Variants in SRR observed in about 807,000 individuals in gnomAD.
SRR encodes the protein serine racemase, also known as D-serine ammonia-lyase.
Under a neutral mutation model 32.7 loss-of-function variants are expected in SRR, and 19 were observed. That is an observed-to-expected ratio of 0.58 (90% CI 0.40 to 0.85). The LOEUF (loss-of-function observed/expected upper bound fraction) is 0.85. Ranked by LOEUF, SRR falls within the 40% of genes least tolerant of loss-of-function variation. The probability of loss-of-function intolerance (pLI) is 0.00; values close to 1 mark genes in which losing one functional copy is unlikely to be tolerated. For synonymous variants in SRR, 142 were observed against 140.9 expected (o/e 1.01, Z -0.06); for missense variants, 373 against 404.7 (o/e 0.92, Z 0.67).
At chr17:2,317,159 C>T (rs1459642492) in intron 2 of SRR, among the ~76,000 whole-genome samples, 4 of 137,806 alleles carry the variant, frequency 2.9e-5, no homozygotes, top group Non-Finnish European at 6.1e-5. Flanking sequence ...GTTGAGATCA[C>T]GCCATTGCAC....
At chr17:2,307,804 G>A (rs2075403052) in intron 1 of SRR, 3 of 715,062 alleles carry the variant, frequency 4.2e-6, no homozygotes, top group Non-Finnish European at 7.5e-6. Context: ...ACTAAGCCAA[G>A]CACAGTGGTG....
Position 2,308,061 on chromosome 17 carries a change from C to A in SRR, c.-5+4044C>A, listed in dbSNP as rs1258806540. Among the ~76,000 whole-genome samples, 281 of 115,716 alleles carry A rather than the reference C, an allele frequency of 2.4e-3. 1 individual carries two copies. Among genetic ancestry groups the A allele is most frequent in the African/African-American group, 8.1e-3 (239 of 29,618 alleles). 75.9% of individuals were successfully genotyped at this position (115,716 alleles called of 152,430 possible). ...TAAATGTCTTTTTAAAAAAAAAAAACAACAAAAAAACCACCAATTTTAAAT... is the reference window on the plus strand; with the variant it reads ...TAAATGTCTTTTTAAAAAAAAAAAAAAACAAAAAAACCACCAATTTTAAAT... On this transcript the variant is annotated intron_variant, in intron 1 of 7. Transcript: ENST00000344595.
intron 1 of SRR, chr17:2,306,727 C>G (rs1425461228): frequency 3.6e-6 from 2 of 560,052 alleles, no homozygotes; most frequent in Middle Eastern, 4.9e-4. Flanking sequence ...AAAAATAAAA[C>G]AAAACAAACA....
chr17:2,308,947 T>C (rs1209766397), intron 1 of SRR, among the ~76,000 whole-genome samples: 1 of 151,634 alleles, frequency 6.6e-6, no homozygotes, highest in Non-Finnish European at 1.5e-5. Flanking sequence ...GGTGAAACCC[T>C]GTCCCTACTA....
At chr17:2,306,592 C>T (rs2075392246) in intron 1 of SRR, among the ~76,000 whole-genome samples, 1 of 151,874 alleles carries the variant, frequency 6.6e-6, no homozygotes, top group Admixed American at 6.6e-5. Context: ...TGGTGGGTGC[C>T]TGTAATCCCA....
intron 1 of SRR, 89 bp from the exon 2 acceptor site, chr17:2,315,468 G>A: frequency 7.8e-7 from 1 of 1,278,128 alleles, no homozygotes; most frequent in Non-Finnish European, 1.1e-6. Flanking sequence ...CAGGCCCCAG[G>A]TCTATTCTGT....
intron 3 of SRR, among the ~76,000 whole-genome samples, chr17:2,318,245 A>C (rs1435688658): frequency 2.0e-5 from 3 of 150,978 alleles, no homozygotes; most frequent in East Asian, 2.0e-4. Flanking sequence ...GCCGGGTTCA[A>C]GCGATTCTCC....
chr17:2,307,385 G>C, intron 1 of SRR: 1 of 1,124,204 alleles, frequency 8.9e-7, no homozygotes, highest in Non-Finnish European at 1.3e-6. Flanking sequence ...CGTGGAGGTG[G>C]TTTCGGTAGG....
In SRR at chr17:2,323,851, C is replaced by A. The variant is rs1371248402; in HGVS notation, c.1001C>A (p.Ser334Tyr). 3 of 1,614,096 alleles carry A rather than the reference C, an allele frequency of 1.9e-6. No individual in the cohort carries two copies. The East Asian group carries it at 6.7e-5, about 36-fold the overall frequency. Reference protein sequence around the residue: ...TWVKQAERPASYQSVSV With the variant: ...TWVKQAERPAYYQSVSV ...GTGAAGCAGGCTGAAAGGCCAGCTT[C>A]TTATCAGTCTGTTTCTGTTTAATTT... The change falls in exon 8 of 8, where the codon TCT becomes TAT. Residue 334 changes from serine to tyrosine, a missense_variant. Coordinates refer to ENST00000344595, the MANE Select transcript of SRR (RefSeq NM_021947.3).
intron 4 of SRR, among the ~76,000 whole-genome samples, chr17:2,320,902 C>T (rs2075522539): frequency 6.6e-6 from 1 of 152,200 alleles, no homozygotes; most frequent in African/African-American, 2.4e-5. Flanking sequence ...CACTCTGTGC[C>T]AGCCATACTA....
chr17:2,313,530 G>T (rs1367313154), intron 1 of SRR, among the ~76,000 whole-genome samples: 2 of 151,306 alleles, frequency 1.3e-5, no homozygotes, highest in African/African-American at 2.4e-5. Context: ...AAGATCAGGA[G>T]TTCAAGACCA....
At chr17:2,313,007 A>G (rs2075444079) in intron 1 of SRR, among the ~76,000 whole-genome samples, 1 of 152,220 alleles carries the variant, frequency 6.6e-6, no homozygotes, top group Non-Finnish European at 1.5e-5. Flanking sequence ...AGACGTGATA[A>G]TAACACACTC....
At chr17:2,315,114 T>G (rs933756260) in intron 1 of SRR, among the ~76,000 whole-genome samples, 2 of 151,850 alleles carry the variant, frequency 1.3e-5, no homozygotes, top group Non-Finnish European at 2.9e-5. Flanking sequence ...CGATGGCACA[T>G]TCCTGTAATC....
chr17:2,311,870 T>C (rs2151430765), intron 1 of SRR, among the ~76,000 whole-genome samples: 1 of 152,222 alleles, frequency 6.6e-6, no homozygotes, highest in Non-Finnish European at 1.5e-5. Flanking sequence ...AATTTAATTT[T>C]TGATAAATAG....
At chr17:2,307,251 T>G in intron 1 of SRR, 1 of 1,221,538 alleles carries the variant, frequency 8.2e-7, no homozygotes, top group Non-Finnish European at 1.2e-6. Flanking sequence ...AGACTGTCAT[T>G]CAGAAATACC....
chr17:2,307,629 GCAGGC>G, intron 1 of SRR: 6 of 946,732 alleles, frequency 6.3e-6, no homozygotes, highest in Non-Finnish European at 8.5e-6. Flanking sequence ...CTATGGTGGT[GCAGGC>G]CAATACTTTA....
rs753678857 is a variant in SRR, at chr17:2,325,028, T to C, written c.*1155T>C. 21 of 626,690 alleles carry C rather than the reference T, an allele frequency of 3.4e-5. No individual in the cohort carries two copies. Among genetic ancestry groups the C allele is most frequent in the Admixed American group, 1.7e-4 (5 of 29,014 alleles). The allele number at this position is 626,690 out of a possible 1,614,324, so 38.8% of individuals were successfully genotyped here. A position where few individuals can be genotyped will look rare whatever the true frequency, so the allele number is the denominator to read the frequency against. ...TTGAAAACTTGTACTTCAAGAGAAA[T>C]GATGTATAACAAAACCATACTTTTT... is the stretch of plus-strand genomic sequence containing the variant. On this transcript the variant is annotated 3_prime_UTR_variant, in exon 8 of 8. Transcript: ENST00000344595.
chr17:2,319,702 A>G (rs1199654078), intron 4 of SRR, among the ~76,000 whole-genome samples: 1 of 152,136 alleles, frequency 6.6e-6, no homozygotes, highest in African/African-American at 2.4e-5. Flanking sequence ...ACCAACATCA[A>G]TTCTCACCTA....
At chr17:2,307,629 G>A (rs1278624870) in intron 1 of SRR, 12 of 946,730 alleles carry the variant, frequency 1.3e-5, no homozygotes, top group African/African-American at 1.6e-5. Flanking sequence ...CTATGGTGGT[G>A]CAGGCCAATA....
Sources: gnomAD v4.1 joint callset for allele counts (sites outside exome capture counted in the v4.1 genomes callset) on GRCh38, gnomAD v4.1.1 for gene constraint, MANE v1.5 for transcripts, NCBI Gene and HGNC (gene_info 2026-07-23, HGNC 2026-07-21) for gene names.